EPHB1: variants seen among roughly 807,000 people sequenced by gnomAD.
EPHB1 encodes the protein ephrin type-B receptor 1.
Under a neutral mutation model 94.4 loss-of-function variants are expected in EPHB1, and 30 were observed. That is an observed-to-expected ratio of 0.32 (90% CI 0.24 to 0.43). The LOEUF is 0.43. EPHB1 is among the 20% of genes least tolerant of loss of function. EPHB1 has a pLI of 1.00. For synonymous variants in EPHB1, 522 were observed against 489.1 expected (o/e 1.07, Z -0.89); for missense variants, 1,055 against 1,308.3 (o/e 0.81, Z 2.99).
rs557912103 is a variant in EPHB1 at position 134,833,851 on chromosome 3, A to G, written c.58+38162A>G. Among the ~76,000 whole-genome samples the G allele has an allele frequency of 2.2e-4, 33 of 152,300 alleles. 1 individual carries two copies. The South Asian group carries it at 6.8e-3, about 32-fold the overall frequency. Reference sequence around the variant, plus strand: ...GCTGAGATTCTACTGTCTGCCCTGTATTTCTGGAGCACCATGTGCTGTTAG... The same window carrying G: ...GCTGAGATTCTACTGTCTGCCCTGTGTTTCTGGAGCACCATGTGCTGTTAG... On this transcript the variant is annotated intron_variant, in intron 1 of 15. Coordinates refer to ENST00000398015, the MANE Select transcript of EPHB1 (RefSeq NM_004441.5).
intron 3 of EPHB1, among the ~76,000 whole-genome samples, chr3:134,959,657 C>T (rs1308020634): frequency 6.6e-6 from 1 of 152,178 alleles, no homozygotes; most frequent in African/African-American, 2.4e-5. Context: ...CTCCAGAGAG[C>T]TCTGACATGT....
chr3:134,882,798 C>CT (rs796934926), intron 1 of EPHB1, among the ~76,000 whole-genome samples: 4,898 of 73,856 alleles, frequency 0.066, 177 homozygotes, highest in South Asian at 0.16. Context: ...TTCTTTCTTT[C>CT]TTTCTTTCTT....
At chr3:135,167,952 G>T (rs974045534) in intron 9 of EPHB1, among the ~76,000 whole-genome samples, 1 of 152,120 alleles carries the variant, frequency 6.6e-6, no homozygotes, top group Non-Finnish European at 1.5e-5. Context: ...GTCTCCACAG[G>T]GGGGTTCTTC....
At chr3:135,137,869 T>A (rs2107689133) in intron 5 of EPHB1, among the ~76,000 whole-genome samples, 1 of 152,380 alleles carries the variant, frequency 6.6e-6, no homozygotes, top group Non-Finnish European at 1.5e-5. Context: ...GGACTGATGT[T>A]ATCTGTATCA....
At chr3:135,237,529 ACAGT>A (rs1217540570) in intron 12 of EPHB1, among the ~76,000 whole-genome samples, 14 of 151,992 alleles carry the variant, frequency 9.2e-5, no homozygotes, top group African/African-American at 3.4e-4. Context: ...CCATGCTCCA[ACAGT>A]GACCCCTGCG....
chr3:135,179,467 G>A lies in EPHB1; in HGVS notation c.1760-393G>A, dbSNP rs1390971442. On this transcript the variant is annotated intron_variant, in intron 9 of 15. Transcript: ENST00000398015. ...CTCCACTCAGGAAAGTTGTCAAGTT[G>A]ATAAATATTGATATCTACCCTACCA... Among the ~76,000 whole-genome samples, 4 of 152,152 alleles carry A rather than the reference G, an allele frequency of 2.6e-5. No homozygotes were observed. In the East Asian group the frequency reaches 7.7e-4, roughly 29 times the overall value.
intron 5 of EPHB1, among the ~76,000 whole-genome samples, chr3:135,151,722 T>C (rs1266278974): frequency 6.6e-6 from 1 of 152,182 alleles, no homozygotes; most frequent in Non-Finnish European, 1.5e-5. Context: ...ACTACTAAGT[T>C]GCAGGCAAGA....
At chr3:135,196,218 G>A (rs1418324320) in intron 11 of EPHB1, among the ~76,000 whole-genome samples, 2 of 152,000 alleles carry the variant, frequency 1.3e-5, no homozygotes, top group Non-Finnish European at 2.9e-5. Context: ...TGAGTTCATT[G>A]TAGATTCTGG....
intron 3 of EPHB1, among the ~76,000 whole-genome samples, chr3:135,038,881 T>G (rs1435801938): frequency 6.6e-6 from 1 of 152,216 alleles, no homozygotes; most frequent in Non-Finnish European, 1.5e-5. Context: ...AGCAGCCTGC[T>G]TTTATTCTCT....
At chr3:134,958,060 T>C (rs1933350913) in intron 3 of EPHB1, among the ~76,000 whole-genome samples, 1 of 152,180 alleles carries the variant, frequency 6.6e-6, no homozygotes, top group Non-Finnish European at 1.5e-5. Flanking sequence ...CCTTCCTGGC[T>C]GCTTCTTCAT....
chr3:134,946,034 G>T (rs2039210679), intron 2 of EPHB1, among the ~76,000 whole-genome samples: 2 of 152,204 alleles, frequency 1.3e-5, no homozygotes, highest in Non-Finnish European at 2.9e-5. Flanking sequence ...ACTGATACCT[G>T]AAAGAGTGTT....
At chr3:135,205,448 T>C (rs952758095) in intron 12 of EPHB1, among the ~76,000 whole-genome samples, 1 of 152,204 alleles carries the variant, frequency 6.6e-6, no homozygotes, top group Non-Finnish European at 1.5e-5. Context: ...TTAACATTCA[T>C]GTAATAGCTA....
At chr3:134,918,346 G>A (rs761521852) in intron 1 of EPHB1, among the ~76,000 whole-genome samples, 33 of 152,294 alleles carry the variant, frequency 2.2e-4, no homozygotes, top group Non-Finnish European at 4.3e-4. Flanking sequence ...GAAGAGGTGG[G>A]TTTAGATCAG....
At chr3:135,101,471 T>C (rs1475447195) in intron 3 of EPHB1, among the ~76,000 whole-genome samples, 10 of 152,092 alleles carry the variant, frequency 6.6e-5, no homozygotes, top group Admixed American at 5.2e-4. Flanking sequence ...CGTCCTGGGT[T>C]CAAGCGATTC....
At chr3:134,980,834 C>T (rs906671196) in intron 3 of EPHB1, among the ~76,000 whole-genome samples, 17 of 152,262 alleles carry the variant, frequency 1.1e-4, no homozygotes, top group Non-Finnish European at 2.1e-4. Flanking sequence ...GCCTGCTGCT[C>T]GTAAGTCATA....
At chr3:134,984,428 G>A (rs148642145) in intron 3 of EPHB1, among the ~76,000 whole-genome samples, 1 of 152,346 alleles carries the variant, frequency 6.6e-6, no homozygotes, top group African/African-American at 2.4e-5. Context: ...GTGGGAGAAG[G>A]CAGTGTCCAA....
chr3:134,822,245 C>G (rs1247473415), intron 1 of EPHB1, among the ~76,000 whole-genome samples: 1 of 152,104 alleles, frequency 6.6e-6, no homozygotes, highest in Non-Finnish European at 1.5e-5. Context: ...TGGCTGTGCC[C>G]TGTGTTGCTG....
At chr3:134,906,643 G>T (rs1305011515) in intron 1 of EPHB1, among the ~76,000 whole-genome samples, 2 of 152,198 alleles carry the variant, frequency 1.3e-5, no homozygotes, top group Non-Finnish European at 2.9e-5. Flanking sequence ...TGGCAGAATT[G>T]AGTAGTTGCA....
intron 1 of EPHB1, among the ~76,000 whole-genome samples, chr3:134,868,061 A>C (rs2037418567): frequency 1.3e-5 from 2 of 152,214 alleles, no homozygotes; most frequent in African/African-American, 4.8e-5. Flanking sequence ...TAGATGAGTC[A>C]CTGATGGATG....
Sources: allele counts gnomAD v4.1 joint callset (sites outside exome capture counted in the v4.1 genomes callset), GRCh38; gene constraint gnomAD v4.1.1; transcripts MANE v1.5; gene names NCBI Gene and HGNC (gene_info 2026-07-23, HGNC 2026-07-21).